The following SPRR2B variants were observed in gnomAD, a reference collection of about 807,000 sequenced individuals.
SPRR2B encodes the protein small proline rich protein 2B.
In SPRR2B, 1 loss-of-function variant was observed where a neutral mutation model predicts 1.0. The observed-to-expected ratio is 1.01, with a 90% CI of 0.36 to 4.77. The LOEUF (loss-of-function observed/expected upper bound fraction) is 4.77. Ranked by LOEUF, SPRR2B falls within the 30% of genes most tolerant of loss-of-function variation. The pLI is 0.16. For missense variants in SPRR2B, 53 were observed against 88.7 expected, an observed-to-expected ratio of 0.60 and a Z score of 1.62; for synonymous variants, 27 against 33.4, an observed-to-expected ratio of 0.81 and a Z score of 0.66.
the SPRR2B span, among the ~76,000 whole-genome samples, chr1:153,086,014 C>A: frequency 6.6e-6 from 1 of 152,196 alleles, no homozygotes; most frequent in Admixed American, 6.5e-5. Context: ...ACCTACCTTA[C>A]TAGAGCTCCT....
the SPRR2B span, among the ~76,000 whole-genome samples, chr1:153,082,489 A>T: frequency 6.6e-6 from 1 of 152,236 alleles, no homozygotes; most frequent in South Asian, 2.1e-4. Flanking sequence ...TATATTTTAA[A>T]AGACTAAAAT....
At chr1:153,079,722 A>G in the SPRR2B span, among the ~76,000 whole-genome samples, 8 of 152,086 alleles carry the variant, frequency 5.3e-5, no homozygotes, top group Non-Finnish European at 7.4e-5. Flanking sequence ...CCATTGGTCT[A>G]TATCTCTGTT....
chr1:153,078,056 G>A, the SPRR2B span, among the ~76,000 whole-genome samples: 1 of 152,052 alleles, frequency 6.6e-6, no homozygotes, highest in South Asian at 2.1e-4. Flanking sequence ...AGTAAATGCA[G>A]AAAGAAGACC....
At chr1:153,071,982 G>A (rs150463673), upstream of SPRR2B, among the ~76,000 whole-genome samples, 4 of 152,086 alleles carry the variant, frequency 2.6e-5, no homozygotes, top group Non-Finnish European at 5.9e-5. Flanking sequence ...TTCTTTCCTC[G>A]TACAATTTGC....
chr1:153,078,040 GAA>G, the SPRR2B span, among the ~76,000 whole-genome samples: 2 of 151,836 alleles, frequency 1.3e-5, no homozygotes, highest in African/African-American at 4.8e-5. Flanking sequence ...ACATTGTACA[GAA>G]AAGAGTAAAT....
the SPRR2B span, among the ~76,000 whole-genome samples, chr1:153,080,473 A>G: frequency 6.6e-6 from 1 of 152,218 alleles, no homozygotes; most frequent in African/African-American, 2.4e-5. Flanking sequence ...TCATGCAATG[A>G]ACTTTTCCAA....
chr1:153,079,621 A>G, the SPRR2B span, among the ~76,000 whole-genome samples: 1 of 152,208 alleles, frequency 6.6e-6, no homozygotes, highest in East Asian at 1.9e-4. Context: ...TTAAATAAGG[A>G]ATCCTTTCCC....
chr1:153,074,174 A>C (rs189212024), upstream of SPRR2B, among the ~76,000 whole-genome samples: 39 of 152,272 alleles, frequency 2.6e-4, no homozygotes, highest in East Asian at 7.3e-3. Flanking sequence ...ATTTTAGTGA[A>C]TTTATACATC....
the SPRR2B span, among the ~76,000 whole-genome samples, chr1:153,083,338 A>T: frequency 1.3e-5 from 2 of 152,234 alleles, no homozygotes; most frequent in Non-Finnish European, 2.9e-5. Flanking sequence ...AGGCCCGCCA[A>T]TACCCTGATA....
the SPRR2B span, among the ~76,000 whole-genome samples, chr1:153,082,043 T>C: frequency 2.0e-5 from 3 of 152,172 alleles, no homozygotes; most frequent in Non-Finnish European, 2.9e-5. Context: ...TTGGGCAGGC[T>C]GGATATGAGT....
At chr1:153,086,438 A>G in the SPRR2B span, among the ~76,000 whole-genome samples, 3 of 152,192 alleles carry the variant, frequency 2.0e-5, no homozygotes, top group Non-Finnish European at 2.9e-5. Flanking sequence ...CAAAAACAGC[A>G]TTACATAATG....
At chr1:153,078,026 A>G in the SPRR2B span, among the ~76,000 whole-genome samples, 1 of 152,260 alleles carries the variant, frequency 6.6e-6, no homozygotes, top group African/African-American at 2.4e-5. Context: ...ATATTGAAAA[A>G]CAAACATTGT....
intron 1 of SPRR2B, among the ~76,000 whole-genome samples, chr1:153,071,345 C>T (rs1570988646): frequency 6.6e-6 from 1 of 152,114 alleles, no homozygotes; most frequent in Non-Finnish European, 1.5e-5. Context: ...CCTTTTCTTC[C>T]AACCAAAGCT....
At chr1:153,078,765 G>A in the SPRR2B span, among the ~76,000 whole-genome samples, 1 of 152,158 alleles carries the variant, frequency 6.6e-6, no homozygotes, top group Non-Finnish European at 1.5e-5. Flanking sequence ...GTCTATCATT[G>A]TTGGACATTT....
At chr1:153,087,600 G>C in the SPRR2B span, among the ~76,000 whole-genome samples, 1 of 152,116 alleles carries the variant, frequency 6.6e-6, no homozygotes, top group African/African-American at 2.4e-5. Flanking sequence ...ATAAACATCA[G>C]AGAATATTAC....
At chr1:153,080,706 A>G in the SPRR2B span, among the ~76,000 whole-genome samples, 2 of 152,222 alleles carry the variant, frequency 1.3e-5, no homozygotes, top group African/African-American at 4.8e-5. Context: ...AAATATAAAC[A>G]CTATAAAAAA....
upstream of SPRR2B, among the ~76,000 whole-genome samples, chr1:153,072,775 C>T (rs116977584): frequency 1.3e-3 from 201 of 152,298 alleles, 5 homozygotes; most frequent in East Asian, 0.037. Context: ...CTCATCTGTC[C>T]ATTTTAGTAC....
chr1:153,085,457 TAAG>T, the SPRR2B span, among the ~76,000 whole-genome samples: 15 of 152,020 alleles, frequency 9.9e-5, no homozygotes, highest in African/African-American at 3.6e-4. Flanking sequence ...AACACTGAAA[TAAG>T]ACAGCCAGAC....
Position 153,070,529 on chromosome 1 carries a change from A to G in SPRR2B, c.*92T>C. The stretch of plus-strand genomic sequence containing the variant: ...GAAAGAAGCTCCCTATGAATCCATG[A>G]TAAGCTTTGATGAGAAGATGAAGGT... On this transcript the variant is annotated 3_prime_UTR_variant, in exon 2 of 2. Transcript: ENST00000368755. The G allele has an allele frequency of 6.5e-7, 1 of 1,546,858 alleles. No individual in the cohort carries two copies. The highest frequency in any genetic ancestry group is 1.3e-5 in the South Asian group (1 of 79,974).
Sources: allele counts gnomAD v4.1 joint callset (sites outside exome capture counted in the v4.1 genomes callset), GRCh38; gene constraint gnomAD v4.1.1; transcripts MANE v1.5; gene names NCBI Gene and HGNC (gene_info 2026-07-23, HGNC 2026-07-21).